POP7: variants seen among roughly 807,000 people sequenced by gnomAD.
POP7 encodes the protein POP7 ribonuclease P/MRP subunit.
POP7 carries 5 observed loss-of-function variants against 7.5 expected under a neutral mutation model. That is an observed-to-expected ratio of 0.66 (90% CI 0.35 to 1.40). The LOEUF is 1.40. POP7 is among the 40% of genes most tolerant of loss of function. The probability of loss-of-function intolerance (pLI) is 0.04; values close to 1 mark genes in which losing one functional copy is unlikely to be tolerated. For synonymous variants in POP7, 85 were observed against 81.6 expected, an observed-to-expected ratio of 1.04 and a Z score of -0.23; for missense variants, 170 against 189.1, an observed-to-expected ratio of 0.90 and a Z score of 0.59.
At chr7:100,706,568 C>T (rs1174147001) in intron 1 of POP7, among the ~76,000 whole-genome samples, 1 of 152,012 alleles carries the variant, frequency 6.6e-6, no homozygotes, top group Non-Finnish European at 1.5e-5. Flanking sequence ...CCTCGAACTC[C>T]CGATCTCAAG....
At chr7:100,706,776 C>T (rs1806526453) in intron 1 of POP7, 45 bp from the exon 2 acceptor site, 7 of 1,565,850 alleles carry the variant, frequency 4.5e-6, no homozygotes, top group Non-Finnish European at 6.1e-6. Context: ...GGAAAGGCTT[C>T]GAGGTCCCTC....
Position 100,706,911 on chromosome 7 carries a change from C to T in POP7, c.81C>T (p.Pro27=). 6.2e-7 allele frequency: 1 copy of T among 1,613,992 alleles called. No homozygotes were observed. Residue 27 remains proline, a synonymous_variant, in exon 2 of 2, where the codon CCC becomes CCT. Coordinates refer to ENST00000303151, the MANE Select transcript of POP7 (RefSeq NM_005837.3). The stretch of plus-strand genomic sequence containing the variant: ...AATACACCCTTAGGAAAAGGCTTCC[C>T]AGCCGCCTGCCCCGGAGACCCAATG... ...PVEYTLRKRL[P]SRLPRRPNDI...
At chr7:100,706,504 GCT>G (rs1314718177) in intron 1 of POP7, 200 bp downstream of exon 1, 2 of 347,906 alleles carry the variant, frequency 5.7e-6, no homozygotes, top group Non-Finnish European at 1.1e-5. Flanking sequence ...ACAGAGGCTT[GCT>G]CTGTTTCCCA....
At position 100,707,032 on chromosome 7, in the gene POP7, GAGATCT is replaced by G. The variant is rs756824357; in HGVS notation, c.204_209del (p.Glu68_Tyr70delinsAsp). ...GGCCCGGGGTCAGAACGCGTGCTCTGAGATCTACATTCACGGCTTGGGCCTGGCCAT... is the reference window on the plus strand; with the variant it reads ...GGCCCGGGGTCAGAACGCGTGCTCTGACATTCACGGCTTGGGCCTGGCCAT... On this transcript the variant is annotated inframe_deletion, in exon 2 of 2. Transcript: ENST00000303151. 6.2e-7 allele frequency: 1 copy of G among 1,614,176 alleles called. No individual in the cohort carries two copies. The highest frequency in any genetic ancestry group is 1.1e-5 in the South Asian group (1 of 91,090).
rs1407239957 is a variant in POP7 at position 100,707,375 on chromosome 7, A to G, written c.*122A>G. The G allele has an allele frequency of 2.5e-6, 3 of 1,190,528 alleles. No homozygotes were observed. The highest frequency in any genetic ancestry group is 3.5e-6 in the Non-Finnish European group (3 of 856,772). The allele number at this position is 1,190,528 out of a possible 1,614,324, so 73.7% of individuals were successfully genotyped here. On this transcript the variant is annotated 3_prime_UTR_variant, in exon 2 of 2. Coordinates refer to ENST00000303151, the MANE Select transcript of POP7 (RefSeq NM_005837.3). ...TCCCTGGAAGCCCAAAGGACTCTGC[A>G]TTGAGGGTGGGGGTAATTGTCTCTT...
In POP7 at chr7:100,707,267, C is replaced by T. The variant is rs1239905343; in HGVS notation, c.*14C>T. The T allele has an allele frequency of 3.1e-6, 5 of 1,608,036 alleles. No homozygotes were observed. The highest frequency in any genetic ancestry group is 1.3e-5 in the African/African-American group (1 of 74,798). The stretch of plus-strand genomic sequence containing the variant: ...ACACCCAAGTAATTGAAAAGACACT[C>T]CTCCACTTATCCCCTCCGTGATATG... On this transcript the variant is annotated 3_prime_UTR_variant, in exon 2 of 2. Transcript: ENST00000303151.
In POP7 at chr7:100,707,393, T is replaced by G. The variant is rs1176818203; in HGVS notation, c.*140T>G. On this transcript the variant is annotated 3_prime_UTR_variant, in exon 2 of 2. Transcript: ENST00000303151. ...ACTCTGCATTGAGGGTGGGGGTAAT[T>G]GTCTCTTGGTGGGCCCAGTTAGTGG... The G allele has an allele frequency of 1.0e-6, 1 of 1,004,530 alleles. No individual in the cohort carries two copies. Among genetic ancestry groups the G allele is most frequent in the East Asian group, 2.6e-5 (1 of 38,012 alleles). 62.2% of individuals were successfully genotyped at this position (1,004,530 alleles called of 1,614,324 possible). A position where few individuals can be genotyped will look rare whatever the true frequency, so the allele number is the denominator to read the frequency against.
At position 100,706,281 on chromosome 7, in the gene POP7, G is replaced by A. The variant is rs1806513409; in HGVS notation, c.-34G>A. On this transcript the variant is annotated 5_prime_UTR_variant, in exon 1 of 2. Coordinates refer to ENST00000303151, the MANE Select transcript of POP7 (RefSeq NM_005837.3). ...GGCGGGGAGCGGGCCTCGCGCGCCT[G>A]GAGGGCCCTGTGGAACGAAGAGAGT... 1 of 153,600 alleles carries A rather than the reference G, an allele frequency of 6.5e-6. No homozygotes were observed. Among genetic ancestry groups the A allele is most frequent in the Non-Finnish European group, 1.5e-5 (1 of 68,942 alleles). The allele number at this position is 153,600 out of a possible 1,614,324, so 9.5% of individuals were successfully genotyped here.
rs1806540093 is a variant in POP7 at position 100,707,391 on chromosome 7, A to G, written c.*138A>G. 6 of 1,057,348 alleles carry G rather than the reference A, an allele frequency of 5.7e-6. No homozygotes were observed. The highest frequency in any genetic ancestry group is 8.1e-6 in the Non-Finnish European group (6 of 738,494). 65.5% of individuals were successfully genotyped at this position (1,057,348 alleles called of 1,614,324 possible). A position where few individuals can be genotyped will look rare whatever the true frequency, so the allele number is the denominator to read the frequency against. ...GGACTCTGCATTGAGGGTGGGGGTA[A>G]TTGTCTCTTGGTGGGCCCAGTTAGT... On this transcript the variant is annotated 3_prime_UTR_variant, in exon 2 of 2. Transcript: ENST00000303151.
chr7:100,707,243 C>A lies in POP7; in HGVS notation c.413C>A (p.Thr138Lys), dbSNP rs145060274. 3.8e-5 allele frequency: 61 copies of A among 1,611,932 alleles called. No homozygotes were observed. Among genetic ancestry groups the A allele is most frequent in the Non-Finnish European group, 4.9e-5 (58 of 1,178,172 alleles). ...ATCCACATCCGAGTCTTCAGGGTCA[C>A]ACCCAAGTAATTGAAAAGACACTCC... ...SAIHIRVFRV[T>K]PK The change falls in exon 2 of 2, where the codon ACA becomes AAA. Residue 138 changes from threonine (T) to lysine (K), a missense_variant. By Grantham distance (78) the Thr-to-Lys change is moderately conservative (BLOSUM62 -1). Transcript: ENST00000303151.
rs190801146 is a variant in POP7, at chr7:100,706,125, C to A, written c.-190C>A. 9.8e-5 allele frequency: 15 copies of A among 152,656 alleles called. 1 individual carries two copies. The highest frequency in any genetic ancestry group is 3.6e-4 in the African/African-American group (15 of 41,602). 9.5% of individuals were successfully genotyped at this position (152,656 alleles called of 1,614,324 possible). On this transcript the variant is annotated 5_prime_UTR_variant, in exon 1 of 2. Coordinates refer to ENST00000303151, the MANE Select transcript of POP7 (RefSeq NM_005837.3). Reference sequence around the variant, plus strand: ...GGGGTACGGGCGCGCGTGCGCACTCCGCAGCCCGTTCAGGACCCCGGCGCG... The same window carrying A: ...GGGGTACGGGCGCGCGTGCGCACTCAGCAGCCCGTTCAGGACCCCGGCGCG...
At position 100,707,132 on chromosome 7, in the gene POP7, A is replaced by C; in HGVS notation, c.302A>C (p.Asn101Thr). ...GSFGSLQVAA[N>T]TSTVELVDEL... ...TTCGGGTCCTTGCAGGTGGCTGCCAATACCTCCACCGTGGAGCTTGTTGAT... is the reference window on the plus strand; with the variant it reads ...TTCGGGTCCTTGCAGGTGGCTGCCACTACCTCCACCGTGGAGCTTGTTGAT... The change falls in exon 2 of 2, where the codon AAT becomes ACT. Residue 101 changes from asparagine (N) to threonine (T), a missense_variant. By Grantham distance (65) the Asn-to-Thr change is moderately conservative. Transcript: ENST00000303151. The C allele has an allele frequency of 1.2e-6, 2 of 1,614,170 alleles. No individual in the cohort carries two copies. Among genetic ancestry groups the C allele is most frequent in the Non-Finnish European group, 1.7e-6 (2 of 1,180,040 alleles).
At position 100,706,924 on chromosome 7, in the gene POP7, C is replaced by T. The variant is rs779710351; in HGVS notation, c.94C>T (p.Arg32Trp). 1.2e-6 allele frequency: 2 copies of T among 1,614,038 alleles called. No individual in the cohort carries two copies. The highest frequency in any genetic ancestry group is 1.7e-5 in the Admixed American group (1 of 60,022). Residue 32 changes from arginine to tryptophan, a missense_variant, in exon 2 of 2, where the codon CGG (arginine) becomes TGG (tryptophan). Physicochemically the swap from Arg to Trp is moderately radical, Grantham distance 101 (BLOSUM62 -3). Transcript: ENST00000303151. ...LRKRLPSRLP[R>W]RPNDIYVNMK... ...GAAAAGGCTTCCCAGCCGCCTGCCC[C>T]GGAGACCCAATGACATTTATGTCAA...
Position 100,707,465 on chromosome 7 carries a change from TAAA to T in POP7, c.*216_*218del. 1 of 584,820 alleles carries T rather than the reference TAAA, an allele frequency of 1.7e-6. No homozygotes were observed. Among genetic ancestry groups the T allele is most frequent in the Non-Finnish European group, 3.0e-6 (1 of 328,606 alleles). 36.2% of individuals were successfully genotyped at this position (584,820 alleles called of 1,614,324 possible). A position where few individuals can be genotyped will look rare whatever the true frequency, so the allele number is the denominator to read the frequency against. ...CGGTCTGTAACTATTGCCATATAAATAAAAAATCCTGTTGCACTAGTGTCCTGC... is the reference window on the plus strand; with the variant it reads ...CGGTCTGTAACTATTGCCATATAAATAAATCCTGTTGCACTAGTGTCCTGC... On this transcript the variant is annotated 3_prime_UTR_variant, in exon 2 of 2. Coordinates refer to ENST00000303151, the MANE Select transcript of POP7 (RefSeq NM_005837.3).
At chr7:100,706,507 C>G (rs1806519888) in intron 1 of POP7, 1 of 354,980 alleles carries the variant, frequency 2.8e-6, no homozygotes, top group Non-Finnish European at 5.2e-6. Context: ...GAGGCTTGCT[C>G]TGTTTCCCAA....
At chr7:100,706,536 G>C (rs1806520273) in intron 1 of POP7, 1 of 433,350 alleles carries the variant, frequency 2.3e-6, no homozygotes, top group Admixed American at 3.8e-5. Flanking sequence ...GCAGTGGCGG[G>C]CGCGATCACG....
chr7:100,707,194 A>C lies in POP7; in HGVS notation c.364A>C (p.Thr122Pro), dbSNP rs766727840. 1 of 1,613,994 alleles carries C rather than the reference A, an allele frequency of 6.2e-7. No individual in the cohort carries two copies. Among genetic ancestry groups the C allele is most frequent in the Non-Finnish European group, 8.5e-7 (1 of 1,180,046 alleles). ...EPETDTREPL[T>P]RIRNNSAIHI... ...AGAGACCGACACACGGGAGCCACTG[A>C]CTCGGATCCGCAACAACTCAGCCAT... The change falls in exon 2 of 2, where the codon ACT (threonine) becomes CCT (proline). Residue 122 changes from threonine to proline, a missense_variant. Physicochemically the swap from Thr to Pro is conservative, Grantham distance 38 (BLOSUM62 -1). Coordinates refer to ENST00000303151, the MANE Select transcript of POP7 (RefSeq NM_005837.3).
intron 1 of POP7, among the ~76,000 whole-genome samples, chr7:100,706,573 C>G (rs926371163): frequency 5.3e-5 from 8 of 151,968 alleles, no homozygotes; most frequent in Non-Finnish European, 1.2e-4. Context: ...AACTCCCGAT[C>G]TCAAGCGATC....
chr7:100,707,067 C>G lies in POP7; in HGVS notation c.237C>G (p.Asn79Lys). The change falls in exon 2 of 2, where the codon AAC becomes AAG. Residue 79 changes from asparagine (N) to lysine (K), a missense_variant. Coordinates refer to ENST00000303151, the MANE Select transcript of POP7 (RefSeq NM_005837.3). Reference protein sequence around the residue: ...IYIHGLGLAINRAINIALQLQ... With the variant: ...IYIHGLGLAIKRAINIALQLQ... ...TTCACGGCTTGGGCCTGGCCATCAA[C>G]CGCGCCATCAACATCGCGCTGCAGC... 1.2e-6 allele frequency: 2 copies of G among 1,614,084 alleles called. No homozygotes were observed. Among genetic ancestry groups the G allele is most frequent in the Non-Finnish European group, 1.7e-6 (2 of 1,180,044 alleles).
Sources: allele counts gnomAD v4.1 joint callset (sites outside exome capture counted in the v4.1 genomes callset), GRCh38; gene constraint gnomAD v4.1.1; transcripts MANE v1.5; gene names NCBI Gene and HGNC (gene_info 2026-07-23, HGNC 2026-07-21).